The following SLC24A2 variants were observed in gnomAD, a reference collection of about 807,000 sequenced individuals.
SLC24A2 encodes the protein sodium/potassium/calcium exchanger 2.
In SLC24A2, 36 loss-of-function variants were observed where a neutral mutation model predicts 62.0. That is an observed-to-expected ratio of 0.58 (90% confidence interval 0.44 to 0.77). The LOEUF is 0.77. Among genes scored for constraint, SLC24A2 ranks in the 30% least tolerant of loss-of-function variants. The pLI, the probability that SLC24A2 is intolerant of heterozygous loss-of-function variation, is 0.00. For missense variants in SLC24A2, 846 were observed against 817.9 expected (o/e 1.03, Z -0.42); for synonymous variants, 358 against 294.0 (o/e 1.22, Z -2.23).
the SLC24A2 span, among the ~76,000 whole-genome samples, chr9:20,213,855 C>A: frequency 1.3e-5 from 2 of 152,036 alleles, no homozygotes; most frequent in Non-Finnish European, 2.9e-5. Flanking sequence ...ATCTATTATC[C>A]CTGACATACA....
chr9:19,544,581 C>T (rs2132721465), intron 8 of SLC24A2, among the ~76,000 whole-genome samples: 1 of 152,224 alleles, frequency 6.6e-6, no homozygotes, highest in South Asian at 2.1e-4. Flanking sequence ...TTGTTCCTCT[C>T]CATGTTTAGT....
chr9:20,189,883 G>A, the SLC24A2 span, among the ~76,000 whole-genome samples: 24 of 152,322 alleles, frequency 1.6e-4, no homozygotes, highest in Admixed American at 1.4e-3. Context: ...GAAAGGGAAT[G>A]CTCATCTTAC....
At chr9:20,240,524 G>A in the SLC24A2 span, among the ~76,000 whole-genome samples, 1 of 152,168 alleles carries the variant, frequency 6.6e-6, no homozygotes, top group African/African-American at 2.4e-5. Context: ...AGAAGTAGGG[G>A]GTGAAGGCAA....
chr9:20,288,364 G>C, the SLC24A2 span, among the ~76,000 whole-genome samples: 3 of 152,092 alleles, frequency 2.0e-5, no homozygotes, highest in African/African-American at 4.8e-5. Context: ...CTCCTACCAA[G>C]AAGTAAAGTC....
chr9:20,275,267 C>T, the SLC24A2 span, among the ~76,000 whole-genome samples: 29 of 152,248 alleles, frequency 1.9e-4, no homozygotes, highest in East Asian at 9.7e-4. Context: ...TTGAAAATCA[C>T]GGTACCAATG....
chr9:19,687,759 T>C (rs1180515736), intron 2 of SLC24A2, among the ~76,000 whole-genome samples: 1 of 152,106 alleles, frequency 6.6e-6, no homozygotes, highest in East Asian at 1.9e-4. Flanking sequence ...TTCAGCTGTC[T>C]TGATTAGCAC....
Position 19,619,617 on chromosome 9 carries a change from G to C in SLC24A2, c.1045C>G (p.Leu349Val). 6.2e-7 allele frequency: 1 copy of C among 1,614,006 alleles called. No homozygotes were observed. Residue 349 changes from leucine to valine, a missense_variant, in exon 4 of 11, where the codon CTC becomes GTC. Leu to Val is a conservative substitution (Grantham distance 32, BLOSUM62 1). Coordinates refer to ENST00000341998, the MANE Select transcript of SLC24A2 (RefSeq NM_020344.4). Reference protein sequence around the residue: ...NSLMRNSIFQLMIHTLDPLAE... With the variant: ...NSLMRNSIFQVMIHTLDPLAE... Reference sequence around the variant, plus strand: ...AGTGGGTCAAGGGTGTGTATCATGAGTTGGAAGATGCTATTCCTCATGAGA... The same window carrying C: ...AGTGGGTCAAGGGTGTGTATCATGACTTGGAAGATGCTATTCCTCATGAGA...
the SLC24A2 span, among the ~76,000 whole-genome samples, chr9:20,218,942 T>C: frequency 6.6e-6 from 1 of 152,100 alleles, no homozygotes; most frequent in Non-Finnish European, 1.5e-5. Context: ...AATGATTTTG[T>C]GTATGCAGCA....
chr9:19,611,539 C>A (rs769973393), intron 4 of SLC24A2, among the ~76,000 whole-genome samples: 7 of 151,944 alleles, frequency 4.6e-5, no homozygotes, highest in Non-Finnish European at 8.8e-5. Flanking sequence ...CCGCTGTACG[C>A]TCTAGGGCTT....
chr9:19,942,301 CAAAGATTCAAGTACT>C, the SLC24A2 span, among the ~76,000 whole-genome samples: 4 of 152,122 alleles, frequency 2.6e-5, no homozygotes, highest in South Asian at 2.1e-4. Context: ...CAATAAGTCT[CAAAGATTCAAGTACT>C]AAAGATTCAA....
chr9:19,672,674 C>T lies in SLC24A2; in HGVS notation c.931-50375G>A, dbSNP rs777642636. On this transcript the variant is annotated intron_variant, in intron 2 of 10. Transcript: ENST00000341998. ...GACTTTTTGATGTAGGCATTTAAGG[C>T]TGTGAATTTTCCTTTTAGCACTGTC... Among the ~76,000 whole-genome samples the T allele has an allele frequency of 1.3e-4, 19 of 146,164 alleles. 1 individual carries two copies. The highest frequency in any genetic ancestry group is 2.4e-4 in the Non-Finnish European group (16 of 67,382).
the SLC24A2 span, among the ~76,000 whole-genome samples, chr9:20,166,135 G>A: frequency 2.0e-5 from 3 of 151,852 alleles, no homozygotes; most frequent in South Asian, 6.2e-4. Flanking sequence ...ATAATCTGTT[G>A]GCAAAGCTCT....
At chr9:20,076,582 C>T in the SLC24A2 span, among the ~76,000 whole-genome samples, 1 of 152,020 alleles carries the variant, frequency 6.6e-6, no homozygotes, top group African/African-American at 2.4e-5. Flanking sequence ...CTTGTGACAC[C>T]TTGATGTAAG....
chr9:19,839,523 T>C, the SLC24A2 span, among the ~76,000 whole-genome samples: 1 of 152,206 alleles, frequency 6.6e-6, no homozygotes, highest in East Asian at 1.9e-4. Context: ...CACATTCTTT[T>C]GTGTAGTGGA....
the SLC24A2 span, among the ~76,000 whole-genome samples, chr9:20,197,841 C>T: frequency 6.6e-6 from 1 of 152,068 alleles, no homozygotes; most frequent in Non-Finnish European, 1.5e-5. Context: ...TTCAAAGAGA[C>T]CAATATCATT....
the SLC24A2 span, among the ~76,000 whole-genome samples, chr9:19,836,730 A>T: frequency 1.2e-4 from 19 of 152,346 alleles, 1 homozygote; most frequent in African/African-American, 4.3e-4. Flanking sequence ...TCATTTTATG[A>T]GGCCAGCATC....
chr9:19,780,383 T>G (rs950641293), intron 2 of SLC24A2, among the ~76,000 whole-genome samples: 3 of 151,116 alleles, frequency 2.0e-5, no homozygotes, highest in African/African-American at 7.3e-5. Flanking sequence ...TTCTTCTGCC[T>G]CAGCCTCCTG....
At chr9:20,141,066 G>T in the SLC24A2 span, among the ~76,000 whole-genome samples, 1 of 152,054 alleles carries the variant, frequency 6.6e-6, no homozygotes, top group African/African-American at 2.4e-5. Context: ...GGCTTTGGGA[G>T]CAGCAAAACC....
intron 2 of SLC24A2, among the ~76,000 whole-genome samples, chr9:19,686,836 T>A (rs927978476): frequency 6.6e-6 from 1 of 152,154 alleles, no homozygotes; most frequent in Admixed American, 6.6e-5. Flanking sequence ...CACATGTGTA[T>A]GTTCATTGCA....
Sources: gnomAD v4.1 joint callset for allele counts (sites outside exome capture counted in the v4.1 genomes callset) on GRCh38, gnomAD v4.1.1 for gene constraint, MANE v1.5 for transcripts, NCBI Gene and HGNC (gene_info 2026-07-23, HGNC 2026-07-21) for gene names.